Variants in SLC14A2 observed in about 807,000 individuals in gnomAD.
SLC14A2 encodes the protein solute carrier family 14 member 2, also known as urea transporter 2.
Under a neutral mutation model 104.6 loss-of-function variants are expected in SLC14A2, and 91 were observed. The ratio of observed to expected loss-of-function variants is 0.87; its 90% CI spans 0.73 to 1.04. The LOEUF (loss-of-function observed/expected upper bound fraction) is 1.04. SLC14A2 is among the 50% of genes least tolerant of loss of function. SLC14A2 has a pLI of 0.00. For missense variants in SLC14A2, 1,189 were observed against 1,156.0 expected (o/e 1.03, Z -0.41); for synonymous variants, 476 against 466.4 (o/e 1.02, Z -0.27).
intron 1 of SLC14A2, among the ~76,000 whole-genome samples, chr18:45,292,869 T>C (rs1458479613): frequency 1.3e-5 from 2 of 152,220 alleles, no homozygotes; most frequent in East Asian, 1.9e-4. Context: ...TTCAGGTAAG[T>C]GTCACCCTCT....
intron 2 of SLC14A2, among the ~76,000 whole-genome samples, chr18:45,502,353 G>T (rs542800121): frequency 6.6e-6 from 1 of 152,290 alleles, no homozygotes; most frequent in South Asian, 2.1e-4. Context: ...GAGAACATAA[G>T]CTCCTCCAGG....
intron 10 of SLC14A2, among the ~76,000 whole-genome samples, chr18:45,660,085 A>G (rs890618608): frequency 8.5e-5 from 13 of 152,160 alleles, no homozygotes; most frequent in Admixed American, 1.3e-4. Flanking sequence ...GTGAGCTATG[A>G]TTGTACCATT....
At chr18:45,181,703 AATG>A in the SLC14A2 span, among the ~76,000 whole-genome samples, 1 of 152,224 alleles carries the variant, frequency 6.6e-6, no homozygotes, top group Non-Finnish European at 1.5e-5. Flanking sequence ...GTAATTGATA[AATG>A]ATGTCTTCTG....
In SLC14A2 at chr18:45,437,387, A is replaced by G. The variant is rs1394208698; in HGVS notation, c.-124-45846A>G. Reference sequence around the variant, plus strand: ...GTCATGCACCCAGGACCCCACTGCCAGACAAGGAAGTTAAGCTGTTTTCTC... The same window carrying G: ...GTCATGCACCCAGGACCCCACTGCCGGACAAGGAAGTTAAGCTGTTTTCTC... On this transcript the variant is annotated intron_variant, in intron 1 of 20. Coordinates refer to the SLC14A2 transcript ENST00000586448. Among the ~76,000 whole-genome samples, 3 of 152,316 alleles carry G rather than the reference A, an allele frequency of 2.0e-5. No individual in the cohort carries two copies. The East Asian group carries it at 5.8e-4, about 29-fold the overall frequency.
rs369505576 is a variant in SLC14A2, at chr18:45,594,295, T to C, written c.-34-30336T>C. On this transcript the variant is annotated intron_variant, in intron 2 of 20. Transcript: ENST00000586448. ...TAGGAAATGCACTATAGCAATGGGA[T>C]GTTTAAGTGTAAGACACATCAAAGA... is the stretch of plus-strand genomic sequence containing the variant. Among the ~76,000 whole-genome samples the C allele has an allele frequency of 3.3e-4, 51 of 152,298 alleles. 1 individual carries two copies. In the South Asian group the frequency reaches 0.01, roughly 31 times the overall value.
Position 45,410,765 on chromosome 18 carries a change from T to C in SLC14A2, c.-124-72468T>C, listed in dbSNP as rs186513551. Among the ~76,000 whole-genome samples, 431 of 152,326 alleles carry C rather than the reference T, an allele frequency of 2.8e-3. 2 individuals are homozygous for C. The highest frequency in any genetic ancestry group is 9.9e-3 in the African/African-American group (410 of 41,582). On this transcript the variant is annotated intron_variant, in intron 1 of 20. Coordinates refer to the SLC14A2 transcript ENST00000586448. The stretch of plus-strand genomic sequence containing the variant: ...GGTGAAAACTTTGAGTCACCTGATG[T>C]GCACATTTCCAGCTGAGATAAATAA...
chr18:45,351,230 C>T (rs2085500365), intron 1 of SLC14A2, among the ~76,000 whole-genome samples: 1 of 152,140 alleles, frequency 6.6e-6, no homozygotes, highest in Non-Finnish European at 1.5e-5. Context: ...AAAATCTTGA[C>T]CCTGATCAGT....
intron 1 of SLC14A2, among the ~76,000 whole-genome samples, chr18:45,263,528 T>C (rs1297920910): frequency 6.6e-6 from 1 of 152,196 alleles, no homozygotes. Flanking sequence ...CTACAAATTT[T>C]AGCACACATT....
chr18:45,419,616 A>C (rs1486343225), intron 1 of SLC14A2, among the ~76,000 whole-genome samples: 3 of 152,182 alleles, frequency 2.0e-5, no homozygotes, highest in Non-Finnish European at 2.9e-5. Flanking sequence ...TGTACTAAAA[A>C]TACAAAAATT....
intron 1 of SLC14A2, among the ~76,000 whole-genome samples, chr18:45,387,037 T>C (rs569009607): frequency 1.6e-4 from 25 of 152,368 alleles, no homozygotes; most frequent in African/African-American, 6.0e-4. Context: ...AGTATTCTTT[T>C]CTGAGTTACT....
intron 1 of SLC14A2, among the ~76,000 whole-genome samples, chr18:45,380,141 T>A (rs1344797639): frequency 6.6e-6 from 1 of 152,194 alleles, no homozygotes; most frequent in Non-Finnish European, 1.5e-5. Context: ...TGTCTTATGA[T>A]AGTAGTGAGA....
intron 1 of SLC14A2, among the ~76,000 whole-genome samples, chr18:45,432,882 G>C (rs772660139): frequency 5.6e-4 from 85 of 152,238 alleles, no homozygotes; most frequent in Middle Eastern, 6.8e-3. Context: ...CTGGGATTTT[G>C]ATTTCCATGT....
intron 1 of SLC14A2, among the ~76,000 whole-genome samples, chr18:45,453,880 G>A (rs1453460318): frequency 4.6e-4 from 42 of 91,194 alleles, no homozygotes; most frequent in African/African-American, 1.8e-3. Flanking sequence ...TTTTTTTTGA[G>A]ACAGAGTCTC....
At chr18:45,486,789 C>T (rs2087614556) in intron 2 of SLC14A2, among the ~76,000 whole-genome samples, 1 of 152,202 alleles carries the variant, frequency 6.6e-6, no homozygotes, top group Admixed American at 6.5e-5. Flanking sequence ...GACAAGTAAA[C>T]TCTGCCTTGC....
intron 1 of SLC14A2, among the ~76,000 whole-genome samples, chr18:45,458,837 T>C (rs138456779): frequency 1.3e-5 from 2 of 152,314 alleles, no homozygotes; most frequent in African/African-American, 4.8e-5. Flanking sequence ...GACACCCGGA[T>C]GAAACTTCCT....
chr18:45,539,312 G>T (rs937303776), intron 2 of SLC14A2, among the ~76,000 whole-genome samples: 11 of 152,270 alleles, frequency 7.2e-5, no homozygotes, highest in Admixed American at 3.9e-4. Context: ...CCCTACCCTG[G>T]GCTTAGGTTA....
At chr18:45,599,865 GCAGGGAAACTCCCCCTTATAAACCAT>G (rs2044765314) in intron 2 of SLC14A2, among the ~76,000 whole-genome samples, 1 of 152,190 alleles carries the variant, frequency 6.6e-6, no homozygotes, top group African/African-American at 2.4e-5. Flanking sequence ...GAGAGCTCAT[GCAGGGAAACTCCCCCTTATAAACCAT>G]CAGATCTCGT....
intron 1 of SLC14A2, among the ~76,000 whole-genome samples, chr18:45,283,822 A>G (rs1375340764): frequency 6.6e-6 from 1 of 152,128 alleles, no homozygotes; most frequent in Non-Finnish European, 1.5e-5. Flanking sequence ...GCCTGAAACC[A>G]TGAGAGATCA....
intron 1 of SLC14A2, among the ~76,000 whole-genome samples, chr18:45,252,774 T>A (rs999917547): frequency 6.7e-6 from 1 of 149,388 alleles, no homozygotes; most frequent in African/African-American, 2.5e-5. Context: ...TGGTGCAACA[T>A]ACTCATAGCA....
Sources: gnomAD v4.1 joint callset for allele counts (sites outside exome capture counted in the v4.1 genomes callset) on GRCh38, gnomAD v4.1.1 for gene constraint, MANE v1.5 for transcripts, NCBI Gene and HGNC (gene_info 2026-07-23, HGNC 2026-07-21) for gene names.